FNBP1: variants seen among roughly 807,000 people sequenced by gnomAD.
FNBP1 encodes the protein formin-binding protein 1.
A neutral mutation model predicts 90.6 loss-of-function variants in FNBP1; 26 were observed. The ratio of observed to expected loss-of-function variants is 0.29; its 90% CI spans 0.21 to 0.40. FNBP1 has a LOEUF of 0.40. Ranked by LOEUF, FNBP1 falls within the 10% of genes least tolerant of loss-of-function variation. FNBP1 has a pLI of 1.00. For missense variants in FNBP1, 635 were observed against 768.0 expected (o/e 0.83, Z 2.05); for synonymous variants, 260 against 265.2 (o/e 0.98, Z 0.19).
At position 129,893,910 on chromosome 9, in the gene FNBP1, A is replaced by G. The variant is rs570698687; in HGVS notation, c.1846+1928T>C. Among the ~76,000 whole-genome samples, 4 of 39,968 alleles carry G rather than the reference A, an allele frequency of 1.0e-4. No individual in the cohort carries two copies. The East Asian group carries it at 2.7e-3, about 27-fold the overall frequency. 26.2% of individuals were successfully genotyped at this position (39,968 alleles called of 152,430 possible). On this transcript the variant is annotated intron_variant, in intron 16 of 16. Transcript: ENST00000446176. ...CATCCTGGCGACAGAGCGAGACTCC[A>G]TCTCAAAAAAAAAAAAAAAAAAAGT... is the stretch of plus-strand genomic sequence containing the variant.
chr9:130,038,532 G>A (rs1043638571), intron 1 of FNBP1, among the ~76,000 whole-genome samples: 3 of 151,518 alleles, frequency 2.0e-5, no homozygotes, highest in African/African-American at 4.8e-5. Context: ...GAGTAGCTGG[G>A]ATTACCTGCG....
intron 2 of FNBP1, among the ~76,000 whole-genome samples, chr9:129,980,361 CAA>C (rs201407388): frequency 1.4e-4 from 15 of 110,036 alleles, no homozygotes; most frequent in Non-Finnish European, 9.6e-5. Flanking sequence ...ACTCCATCTC[CAA>C]AAAAAAAAAA....
At chr9:130,003,372 A>C (rs10819586) in intron 1 of FNBP1, among the ~76,000 whole-genome samples, 1 of 152,028 alleles carries the variant, frequency 6.6e-6, no homozygotes, top group East Asian at 1.9e-4. Flanking sequence ...GGGAGGCTGA[A>C]GCCAGCGGAT....
intron 12 of FNBP1, among the ~76,000 whole-genome samples, chr9:129,907,265 T>G (rs920162036): frequency 2.6e-5 from 4 of 152,212 alleles, no homozygotes; most frequent in African/African-American, 9.6e-5. Context: ...ATTGGGTTTT[T>G]AATTTTTTGG....
At chr9:129,907,044 C>T (rs532685248) in intron 12 of FNBP1, among the ~76,000 whole-genome samples, 1 of 151,440 alleles carries the variant, frequency 6.6e-6, no homozygotes, top group Non-Finnish European at 1.5e-5. Context: ...TCCCAAAGTG[C>T]TGGGATTACA....
chr9:129,914,757 C>CATATA (rs2039964918), intron 11 of FNBP1, among the ~76,000 whole-genome samples: 1 of 109,992 alleles, frequency 9.1e-6, no homozygotes, highest in Non-Finnish European at 1.8e-5. Flanking sequence ...ATACATATGT[C>CATATA]TATATATATA....
intron 8 of FNBP1, among the ~76,000 whole-genome samples, chr9:129,925,441 G>A (rs1054764163): frequency 2.0e-5 from 3 of 151,844 alleles, no homozygotes; most frequent in African/African-American, 7.2e-5. Context: ...AGGAGGCGGA[G>A]GTTGCAGTGA....
intron 13 of FNBP1, 106 bp downstream of exon 13, chr9:129,902,763 C>T (rs1308605353): frequency 1.7e-6 from 2 of 1,145,492 alleles, no homozygotes; most frequent in Non-Finnish European, 2.5e-6. Flanking sequence ...GCCATTCCCA[C>T]TGTGTACCTC....
chr9:130,020,129 C>T (rs2057670863), intron 1 of FNBP1, among the ~76,000 whole-genome samples: 2 of 152,212 alleles, frequency 1.3e-5, no homozygotes, highest in African/African-American at 4.8e-5. Context: ...GCCTAGGAAA[C>T]AATGTGAATG....
Position 129,957,558 on chromosome 9 carries a change from T to C in FNBP1, c.409-94A>G, listed in dbSNP as rs2047148425. On this transcript the variant is annotated intron_variant, in intron 5 of 16. Coordinates refer to ENST00000446176, the MANE Select transcript of FNBP1 (RefSeq NM_015033.3). This position sits in a 1 kb window ranked among gnomAD's most constrained non-coding sequence, Gnocchi z 4.3. ...TCCCAAAGAGCATTGTTCTTTTTCT[T>C]TTTTTTTTCTTCAGTCAGGGTCTCA... The C allele has an allele frequency of 1.0e-6, 1 of 1,004,684 alleles. No individual in the cohort carries two copies. The allele number at this position is 1,004,684 out of a possible 1,614,324, so 62.2% of individuals were successfully genotyped here.
intron 1 of FNBP1, among the ~76,000 whole-genome samples, chr9:130,035,592 A>T (rs1007385687): frequency 6.6e-6 from 1 of 152,220 alleles, no homozygotes; most frequent in African/African-American, 2.4e-5. Context: ...TTTGTCCAGC[A>T]CCTGGGGCAT....
intron 16 of FNBP1, chr9:129,895,470 A>G: frequency 8.7e-7 from 1 of 1,143,646 alleles, no homozygotes; most frequent in Non-Finnish European, 1.1e-6. Context: ...TGGCACCTGC[A>G]TGATGCGTGC....
chr9:129,990,339 A>G (rs933836578), intron 2 of FNBP1, among the ~76,000 whole-genome samples: 1 of 152,214 alleles, frequency 6.6e-6, no homozygotes, highest in African/African-American at 2.4e-5. Flanking sequence ...TAAGTGGGCT[A>G]AGGGACGAGG....
At chr9:129,980,822 C>T (rs1036074092) in intron 2 of FNBP1, among the ~76,000 whole-genome samples, 4 of 151,498 alleles carry the variant, frequency 2.6e-5, no homozygotes, top group African/African-American at 7.3e-5. Flanking sequence ...GAGGCTGAGG[C>T]GGGTGGATCA....
chr9:130,047,651 GT>G (rs34555237), upstream of FNBP1, among the ~76,000 whole-genome samples: 132,163 of 149,726 alleles, frequency 0.88, 59,250 homozygotes, highest in East Asian at 0.97. Context: ...GTAAGTTTAT[GT>G]TTTTTTTTTT....
intron 15 of FNBP1, among the ~76,000 whole-genome samples, 188 bp downstream of exon 15, chr9:129,899,777 G>T (rs1012169960): frequency 7.1e-6 from 1 of 140,478 alleles, no homozygotes; most frequent in Non-Finnish European, 1.5e-5. Flanking sequence ...GAAGGGAAGG[G>T]AGGGAAGGGA....
chr9:129,894,391 C>T (rs996639865), intron 16 of FNBP1, among the ~76,000 whole-genome samples: 4 of 152,164 alleles, frequency 2.6e-5, no homozygotes, highest in Admixed American at 6.5e-5. Flanking sequence ...AGACATTTTA[C>T]TTCATTCTGG....
chr9:129,958,471 G>T lies in FNBP1; in HGVS notation c.408+20C>A. On this transcript the variant is annotated intron_variant, in intron 5 of 16. Coordinates refer to ENST00000446176, the MANE Select transcript of FNBP1 (RefSeq NM_015033.3). ...AAAAATCTATAAAGCCGTTTCTTTT[G>T]CTGTGCATTGTTCACTTACAGATTC... The T allele has an allele frequency of 1.3e-6, 2 of 1,562,502 alleles. No individual in the cohort carries two copies. The highest frequency in any genetic ancestry group is 1.9e-5 in the Admixed American group (1 of 53,490).
chr9:130,007,040 C>T (rs1282337036), intron 1 of FNBP1, among the ~76,000 whole-genome samples: 2 of 151,460 alleles, frequency 1.3e-5, no homozygotes, highest in Non-Finnish European at 2.9e-5. Context: ...TTGAGACCAG[C>T]CTCGGCAACA....
Sources: allele counts gnomAD v4.1 joint callset (sites outside exome capture counted in the v4.1 genomes callset), GRCh38; gene constraint gnomAD v4.1.1; non-coding constraint Gnocchi (gnomAD v3.1); transcripts MANE v1.5; gene names NCBI Gene and HGNC (gene_info 2026-07-23, HGNC 2026-07-21).